The following PKD2 variants were observed in gnomAD, a reference collection of about 807,000 sequenced individuals.
PKD2 encodes polycystin-2.
A neutral mutation model predicts 105.9 loss-of-function variants in PKD2; 48 were observed. That is an observed-to-expected ratio of 0.45 (90% CI 0.36 to 0.58). PKD2 has a LOEUF of 0.58. Ranked by LOEUF, PKD2 falls within the 20% of genes least tolerant of loss-of-function variation. The pLI, the probability that PKD2 is intolerant of heterozygous loss-of-function variation, is 0.00. For missense variants in PKD2, 1,078 were observed against 1,255.3 expected, an observed-to-expected ratio of 0.86 and a Z score of 2.13; for synonymous variants, 464 against 481.1, an observed-to-expected ratio of 0.96 and a Z score of 0.46.
At chr4:88,033,338 G>T (rs1233678722) in intron 2 of PKD2, among the ~76,000 whole-genome samples, 1 of 151,250 alleles carries the variant, frequency 6.6e-6, no homozygotes, top group Non-Finnish European at 1.5e-5. Flanking sequence ...GAGGTGGGAG[G>T]ATCACATGAG....
At chr4:88,014,730 A>T (rs1560595603) in intron 1 of PKD2, among the ~76,000 whole-genome samples, 1 of 152,210 alleles carries the variant, frequency 6.6e-6, no homozygotes, top group African/African-American at 2.4e-5. Flanking sequence ...GGCTATCACA[A>T]TGAACTGATA....
Position 88,036,233 on chromosome 4 carries a change from G to A in PKD2, c.723G>A (p.Met241Ile). 6.2e-7 allele frequency: 1 copy of A among 1,613,806 alleles called. No individual in the cohort carries two copies. Among genetic ancestry groups the A allele is most frequent in the Non-Finnish European group, 8.5e-7 (1 of 1,179,744 alleles). The change falls in exon 3 of 15, where the codon ATG becomes ATA. Residue 241 changes from methionine to isoleucine, a missense_variant. By Grantham distance (10) the Met-to-Ile change is conservative. Around this residue, in one of 2 missense-constraint regions of PKD2, gnomAD observed 868 missense variants for 1,067.3 expected, o/e 0.81. Coordinates refer to ENST00000237596, the MANE Select transcript of PKD2 (RefSeq NM_000297.4). ...LIVLCILTYG[M>I]MSSNVYYYTR... ...TCTGTGTTCCAGTGACCTACGGCATGATGAGCTCCAATGTGTACTACTACA... is the reference window on the plus strand; with the variant it reads ...TCTGTGTTCCAGTGACCTACGGCATAATGAGCTCCAATGTGTACTACTACA...
intron 1 of PKD2, among the ~76,000 whole-genome samples, chr4:88,010,147 T>G (rs1385571160): frequency 6.6e-6 from 1 of 150,804 alleles, no homozygotes. Context: ...GAGGCTGGAG[T>G]GCGGGGAAGC....
intron 13 of PKD2, among the ~76,000 whole-genome samples, chr4:88,069,332 TTTTG>T (rs1720924399): frequency 6.6e-6 from 1 of 152,112 alleles, no homozygotes; most frequent in East Asian, 1.9e-4. Context: ...CTATTTTATT[TTTTG>T]TTTTCTAGCT....
chr4:88,060,571 C>G (rs1214320040), intron 9 of PKD2, among the ~76,000 whole-genome samples: 4 of 151,600 alleles, frequency 2.6e-5, no homozygotes, highest in South Asian at 2.1e-4. Flanking sequence ...TAGGCCCTTA[C>G]GAAGATTCCT....
chr4:88,059,222 G>T (rs867773481), intron 9 of PKD2, among the ~76,000 whole-genome samples: 1 of 152,130 alleles, frequency 6.6e-6, no homozygotes, highest in Non-Finnish European at 1.5e-5. Context: ...GGACTGAAAA[G>T]GTCAGGAATA....
intron 2 of PKD2, among the ~76,000 whole-genome samples, chr4:88,023,355 CACTCGTT>C (rs1343148310): frequency 6.6e-6 from 1 of 152,092 alleles, no homozygotes; most frequent in Non-Finnish European, 1.5e-5. Flanking sequence ...CATGAGAAAT[CACTCGTT>C]ACCTCAAGGA....
Position 88,015,283 on chromosome 4 carries a change from G to A in PKD2, c.596-4175G>A, listed in dbSNP as rs530166516. Among the ~76,000 whole-genome samples, 12 of 152,320 alleles carry A rather than the reference G, an allele frequency of 7.9e-5. No homozygotes were observed. The South Asian group carries it at 2.5e-3, about 32-fold the overall frequency. On this transcript the variant is annotated intron_variant, in intron 1 of 14. Transcript: ENST00000237596. Reference sequence around the variant, plus strand: ...GCTACCCCCTATCATATCAGCAGTGGCATCAGATGGGTGAGGATGTAAATG... The same window carrying A: ...GCTACCCCCTATCATATCAGCAGTGACATCAGATGGGTGAGGATGTAAATG...
chr4:88,056,040 C>A (rs776854401), intron 7 of PKD2, 46 bp from the exon 8 acceptor site: 1 of 1,155,914 alleles, frequency 8.7e-7, no homozygotes, highest in Non-Finnish European at 1.3e-6. Flanking sequence ...ACAGTCACAC[C>A]ATTTTGTTTA....
At chr4:88,043,126 T>C (rs889389411) in intron 4 of PKD2, 107 bp from the exon 5 acceptor site, 5 of 742,454 alleles carry the variant, frequency 6.7e-6, no homozygotes. Context: ...CCCAGCTTGA[T>C]AGGCCTTAAT....
Position 88,067,980 on chromosome 4 carries a change from A to T in PKD2, c.2441A>T (p.Glu814Val). 6.2e-7 allele frequency: 1 copy of T among 1,613,900 alleles called. No individual in the cohort carries two copies. Among genetic ancestry groups the T allele is most frequent in the Non-Finnish European group, 8.5e-7 (1 of 1,179,780 alleles). Residue 814 changes from glutamate (E) to valine (V), a missense_variant, in exon 13 of 15, where the codon GAG becomes GTG. Around this residue, in one of 2 missense-constraint regions of PKD2, gnomAD observed 868 missense variants for 1,067.3 expected, o/e 0.81. Coordinates refer to ENST00000237596, the MANE Select transcript of PKD2 (RefSeq NM_000297.4). ...CCTCGAAGCCTGGATGACTCTGAGGAGGATGACGATGAAGATAGCGGACAT... is the reference window on the plus strand; with the variant it reads ...CCTCGAAGCCTGGATGACTCTGAGGTGGATGACGATGAAGATAGCGGACAT... ...SFPRSLDDSE[E>V]DDDEDSGHSS... is the part of the protein sequence containing the mutation.
intron 2 of PKD2, among the ~76,000 whole-genome samples, chr4:88,034,931 A>T (rs971242202): frequency 2.0e-5 from 3 of 152,226 alleles, no homozygotes; most frequent in Non-Finnish European, 4.4e-5. Context: ...GTCCAGAATG[A>T]GACAGTACTT....
chr4:88,030,593 C>G (rs960295273), intron 2 of PKD2, among the ~76,000 whole-genome samples: 2 of 152,350 alleles, frequency 1.3e-5, no homozygotes, highest in South Asian at 2.1e-4. Flanking sequence ...ACTGTCCTTT[C>G]TGTCATTCTA....
chr4:88,024,645 A>G (rs1274122296), intron 2 of PKD2, among the ~76,000 whole-genome samples: 1 of 152,138 alleles, frequency 6.6e-6, no homozygotes, highest in African/African-American at 2.4e-5. Flanking sequence ...ACATTAATAG[A>G]AATCACAAAA....
At chr4:88,044,971 G>C (rs1341935733) in intron 5 of PKD2, among the ~76,000 whole-genome samples, 1 of 152,162 alleles carries the variant, frequency 6.6e-6, no homozygotes, top group Non-Finnish European at 1.5e-5. Flanking sequence ...ATCTATTGCA[G>C]TATTATTGAG....
At chr4:88,064,930 TTTTG>T (rs60590515) in intron 10 of PKD2, among the ~76,000 whole-genome samples, 12,952 of 151,974 alleles carry the variant, frequency 0.085, 700 homozygotes, top group East Asian at 0.24. Context: ...TCACTGGGTT[TTTTG>T]TTTGTTTGTT....
At chr4:88,044,371 A>C (rs1268216076) in intron 5 of PKD2, among the ~76,000 whole-genome samples, 1 of 152,076 alleles carries the variant, frequency 6.6e-6, no homozygotes, top group Non-Finnish European at 1.5e-5. Context: ...ATTTACACAT[A>C]AGATAAGAAG....
intron 5 of PKD2, among the ~76,000 whole-genome samples, chr4:88,045,135 T>C (rs1272324041): frequency 1.3e-5 from 2 of 152,240 alleles, no homozygotes; most frequent in Non-Finnish European, 2.9e-5. Context: ...ATGAACATTG[T>C]TAAGACAACT....
chr4:88,018,142 G>A (rs1206886327), intron 1 of PKD2, among the ~76,000 whole-genome samples: 1 of 152,190 alleles, frequency 6.6e-6, no homozygotes, highest in Non-Finnish European at 1.5e-5. Flanking sequence ...CTTGGCAGAA[G>A]CAAAGTTGGT....
Sources: gnomAD v4.1 joint callset for allele counts (sites outside exome capture counted in the v4.1 genomes callset) on GRCh38, gnomAD v4.1.1 for gene constraint, gnomAD v4.1.1 regional missense constraint, MANE v1.5 for transcripts, NCBI Gene and HGNC (gene_info 2026-07-23, HGNC 2026-07-21) for gene names.